Variants in EPHX2 observed in about 807,000 individuals in gnomAD.
The protein encoded by EPHX2 is bifunctional epoxide hydrolase 2.
In EPHX2, 74 loss-of-function variants were observed where a neutral mutation model predicts 78.7. That is an observed-to-expected ratio of 0.94 (90% CI 0.78 to 1.14). The LOEUF (loss-of-function observed/expected upper bound fraction) is 1.14, where lower values mean the gene tolerates loss of function less well. Among genes scored for constraint, EPHX2 ranks in the 50% most tolerant of loss-of-function variants. The pLI is 0.00. For missense variants in EPHX2, 715 were observed against 702.5 expected (o/e 1.02, Z -0.20); for synonymous variants, 251 against 255.2 (o/e 0.98, Z 0.16).
rs751561836 is a variant in EPHX2 at position 27,540,659 on chromosome 8, A to G, written c.1379+3A>G. The G allele has an allele frequency of 3.1e-6, 5 of 1,613,260 alleles. No individual in the cohort carries two copies. The South Asian group carries it at 5.5e-5, about 18-fold the overall frequency. ...CAGTTCAAGAAGTCTGGTTTCAGGT[A>G]AAGAGAGCACAGGGCCCAGACACAG... On this transcript the variant is annotated splice_donor_region_variant and intron_variant, in intron 15 of 18. Coordinates refer to ENST00000521400, the MANE Select transcript of EPHX2 (RefSeq NM_001979.6).
At chr8:27,501,280 C>T (rs553691699) in intron 2 of EPHX2, among the ~76,000 whole-genome samples, 7 of 151,938 alleles carry the variant, frequency 4.6e-5, no homozygotes, top group African/African-American at 1.4e-4. Flanking sequence ...AAAAAAACCT[C>T]AGTAATATTG....
chr8:27,525,593 A>G, intron 12 of EPHX2, 120 bp downstream of exon 12: 1 of 905,790 alleles, frequency 1.1e-6, no homozygotes, highest in Non-Finnish European at 1.8e-6. Context: ...GTCAGAAATG[A>G]TTTTACAAAT....
chr8:27,533,047 T>A (rs1035181301), intron 12 of EPHX2, among the ~76,000 whole-genome samples: 1 of 152,008 alleles, frequency 6.6e-6, no homozygotes, highest in African/African-American at 2.4e-5. Flanking sequence ...TCCAGGAGTT[T>A]GAGGATGTAG....
Position 27,506,931 on chromosome 8 carries a change from C to T in EPHX2, c.597C>T (p.Val199=), listed in dbSNP as rs763643649. 1 of 1,614,136 alleles carries T rather than the reference C, an allele frequency of 6.2e-7. No individual in the cohort carries two copies. The change falls in exon 5 of 19, where the codon GTC becomes GTT. Residue 199 remains valine (V), a synonymous_variant. Coordinates refer to ENST00000521400, the MANE Select transcript of EPHX2 (RefSeq NM_001979.6). ...AGCCAGCCCGTGACTTGGGAATGGT[C>T]ACCATCCTGGTCCAGGACACTGACA... ...NLKPARDLGM[V]TILVQDTDTA...
chr8:27,509,515 G>A (rs1487398939), intron 5 of EPHX2, among the ~76,000 whole-genome samples: 1 of 152,038 alleles, frequency 6.6e-6, no homozygotes, highest in Non-Finnish European at 1.5e-5. Flanking sequence ...CACAATATTG[G>A]CTCACTGCAA....
downstream of EPHX2, among the ~76,000 whole-genome samples, chr8:27,545,833 G>A (rs932134550): frequency 1.3e-5 from 2 of 152,150 alleles, no homozygotes; most frequent in Non-Finnish European, 2.9e-5. Context: ...GAGTATCTGT[G>A]TATAGGGAGA....
Position 27,541,460 on chromosome 8 carries a change from G to C in EPHX2, c.1380-13G>C, listed in dbSNP as rs749057363. ...TACTGCCTCCCTCTTTTTACTTTCT[G>C]ATCTCTCCCCAGAGGTCCTCTAAAC... is the stretch of plus-strand genomic sequence containing the variant. On this transcript the variant is annotated splice_polypyrimidine_tract_variant and intron_variant, in intron 15 of 18. Transcript: ENST00000521400. 9 of 1,613,970 alleles carry C rather than the reference G, an allele frequency of 5.6e-6. No individual in the cohort carries two copies. In the African/African-American group the frequency reaches 1.1e-4, roughly 19 times the overall value.
chr8:27,512,216 G>T lies in EPHX2; in HGVS notation c.735+306G>T, dbSNP rs72475823. 6.9e-3 allele frequency: 2,344 copies of T among 341,986 alleles called. 47 individuals are homozygous for T. The highest frequency in any genetic ancestry group is 0.046 in the African/African-American group (2,180 of 46,898). The allele number at this position is 341,986 out of a possible 1,614,324, so 21.2% of individuals were successfully genotyped here. A position where few individuals can be genotyped will look rare whatever the true frequency, so the allele number is the denominator to read the frequency against. On this transcript the variant is annotated intron_variant, in intron 6 of 18. Transcript: ENST00000521400. ...CACAAATCTCATTCCTCAGAAATCAGTGAAAGACAGACCCTGTCTCGGATT... is the reference window on the plus strand; with the variant it reads ...CACAAATCTCATTCCTCAGAAATCATTGAAAGACAGACCCTGTCTCGGATT...
chr8:27,499,571 C>T (rs907653478), intron 1 of EPHX2, among the ~76,000 whole-genome samples: 16 of 152,154 alleles, frequency 1.1e-4, no homozygotes, highest in African/African-American at 3.6e-4. Flanking sequence ...AACTGGCTTG[C>T]CACTTCAACT....
chr8:27,526,211 G>A (rs1450537111), intron 12 of EPHX2, among the ~76,000 whole-genome samples: 3 of 152,240 alleles, frequency 2.0e-5, no homozygotes, highest in East Asian at 1.9e-4. Flanking sequence ...AGGAGGGACC[G>A]TTTCCAGCAA....
chr8:27,520,861 C>T, intron 9 of EPHX2, 22 bp from the exon 10 acceptor site: 3 of 1,614,178 alleles, frequency 1.9e-6, no homozygotes, highest in Middle Eastern at 3.3e-4. Context: ...CTGATTTTGC[C>T]TGTGTGTGTC....
At chr8:27,506,783 G>T (rs1814021059) in intron 4 of EPHX2, 89 bp from the exon 5 acceptor site, 1 of 1,521,926 alleles carries the variant, frequency 6.6e-7, no homozygotes, top group African/African-American at 1.4e-5. Flanking sequence ...AAAAGAAAAA[G>T]AGTTTTTAAT....
Position 27,507,570 on chromosome 8 carries a change from A to C in EPHX2, c.660+576A>C, listed in dbSNP as rs555909284. ...AGTCCACAGCCTTCTGCAGAAGTGC[A>C]GCACCCTCATCCTGTGAGCACAGGG... On this transcript the variant is annotated intron_variant, in intron 5 of 18. Transcript: ENST00000521400. Among the ~76,000 whole-genome samples, 4 of 152,302 alleles carry C rather than the reference A, an allele frequency of 2.6e-5. No homozygotes were observed. In the South Asian group the frequency reaches 8.3e-4, roughly 32 times the overall value.
intron 5 of EPHX2, among the ~76,000 whole-genome samples, chr8:27,509,322 G>C (rs1814145377): frequency 6.6e-6 from 1 of 152,180 alleles, no homozygotes; most frequent in African/African-American, 2.4e-5. Context: ...ATTGGGAATA[G>C]TGCTGCTATG....
At chr8:27,518,760 C>T (rs1814547563) in intron 9 of EPHX2, among the ~76,000 whole-genome samples, 1 of 152,236 alleles carries the variant, frequency 6.6e-6, no homozygotes, top group African/African-American at 2.4e-5. Context: ...GCTTCATGCG[C>T]TGGCTTTGGC....
intron 5 of EPHX2, among the ~76,000 whole-genome samples, chr8:27,510,071 CCT>C (rs563860682): frequency 8.5e-4 from 130 of 152,310 alleles, no homozygotes; most frequent in African/African-American, 3.0e-3. Flanking sequence ...CCTCCCTGCC[CCT>C]GTCTTCTCCA....
rs760368319 is a variant in EPHX2, at chr8:27,541,495, A to C, written c.1402A>C (p.Asn468His). Reference protein sequence around the residue: ...GFRGPLNWYRNMERNWKWACK... With the variant: ...GFRGPLNWYRHMERNWKWACK... ...CAGAGGTCCTCTAAACTGGTACCGAAACATGGAAAGGAACTGGAAGTGGGC... is the reference window on the plus strand; with the variant it reads ...CAGAGGTCCTCTAAACTGGTACCGACACATGGAAAGGAACTGGAAGTGGGC... Residue 468 changes from asparagine to histidine, a missense_variant, in exon 16 of 19, where the codon AAC (asparagine) becomes CAC (histidine). Transcript: ENST00000521400. The C allele has an allele frequency of 4.3e-6, 7 of 1,614,062 alleles. No homozygotes were observed. The African/African-American group carries it at 5.3e-5, about 12-fold the overall frequency.
At chr8:27,501,324 T>TTTCTTCTTCTTCTTCTTTCTTCTTC (rs1813762953) in intron 2 of EPHX2, among the ~76,000 whole-genome samples, 4 of 102,914 alleles carry the variant, frequency 3.9e-5, no homozygotes, top group African/African-American at 1.5e-4. Flanking sequence ...TGCTATATAT[T>TTTCTTCTTCTTCTTCTTTCTTCTTC]TTCTTCTTCT....
intron 12 of EPHX2, among the ~76,000 whole-genome samples, chr8:27,529,659 A>G (rs1814965223): frequency 6.6e-6 from 1 of 152,000 alleles, no homozygotes; most frequent in Non-Finnish European, 1.5e-5. Flanking sequence ...GGGCGTGGTG[A>G]CTCACATCTA....
Sources: gnomAD v4.1 joint callset for allele counts (sites outside exome capture counted in the v4.1 genomes callset) on GRCh38, gnomAD v4.1.1 for gene constraint, MANE v1.5 for transcripts, NCBI Gene and HGNC (gene_info 2026-07-23, HGNC 2026-07-21) for gene names.